Variants in MAP3K15 observed in about 807,000 individuals in gnomAD.
MAP3K15 encodes the protein MAPK/ERK kinase kinase 15.
A neutral mutation model predicts 99.5 loss-of-function variants in MAP3K15; 124 were observed. That is an observed-to-expected ratio of 1.25 (90% CI 1.08 to 1.45). The LOEUF is 1.45. MAP3K15 is among the 40% of genes most tolerant of loss of function. The pLI is 0.00. For missense variants in MAP3K15, 1,242 were observed against 1,079.7 expected (o/e 1.15, Z -2.11); for synonymous variants, 494 against 439.6 (o/e 1.12, Z -1.55).
At position 19,372,807 on chromosome X, in the gene MAP3K15, G is replaced by T; in HGVS notation, c.2954C>A (p.Ala985Asp). The T allele has an allele frequency of 8.3e-7, 1 of 1,209,904 alleles. No homozygotes were observed. Among genetic ancestry groups the T allele is most frequent in the Non-Finnish European group, 1.1e-6 (1 of 894,518 alleles). ...CGAGGCCAAGCCCCGGTCTTCCAAG[G>T]CTGAGCTCTCGTCTGGAACACTGTG... ...HLLSVPDESS[A>D]LEDRGLASSP... is the part of the protein sequence containing the mutation. Residue 985 changes from alanine to aspartate, a missense_variant, in exon 22 of 29, where the codon GCC becomes GAC. Coordinates refer to ENST00000338883, the MANE Select transcript of MAP3K15 (RefSeq NM_001001671.4).
intron 6 of MAP3K15, among the ~76,000 whole-genome samples, chrX:19,455,394 G>C (rs1184465298): frequency 9.6e-6 from 1 of 104,386 alleles, no homozygotes. Flanking sequence ...ACCCAGGCTG[G>C]AGTGCAATGG....
intron 1 of MAP3K15, among the ~76,000 whole-genome samples, chrX:19,491,601 G>A (rs1026824850): frequency 9.0e-6 from 1 of 110,982 alleles, no homozygotes; most frequent in African/African-American, 3.3e-5. Context: ...TCACTTCCTG[G>A]GGCCACAATA....
intron 13 of MAP3K15, among the ~76,000 whole-genome samples, chrX:19,402,830 A>T (rs923576531): frequency 9.0e-6 from 1 of 111,037 alleles, no homozygotes; most frequent in Non-Finnish European, 1.9e-5. Context: ...ACGCCCAGCT[A>T]ATTTTTTTAT....
At chrX:19,415,076 C>A (rs1355230549) in intron 10 of MAP3K15, 31 bp downstream of exon 10, 1 of 1,099,728 alleles carries the variant, frequency 9.1e-7, no homozygotes, top group Non-Finnish European at 1.2e-6. Flanking sequence ...TTTTCCTAAT[C>A]TTAAAAAAAA....
At chrX:19,370,811 C>G (rs1438448915) in intron 24 of MAP3K15, 148 bp downstream of exon 24, 1 of 478,630 alleles carries the variant, frequency 2.1e-6, no homozygotes, top group South Asian at 3.2e-5. Flanking sequence ...GAATCAGCCC[C>G]GGAAGAAGTC....
Position 19,370,943 on chromosome X carries a change from C to A in MAP3K15, c.3400+16G>T. The A allele has an allele frequency of 1.7e-6, 2 of 1,159,359 alleles. No homozygotes were observed. Among genetic ancestry groups the A allele is most frequent in the Non-Finnish European group, 2.3e-6 (2 of 855,280 alleles). ...CACGGCCTAAAGCTGACCTTGACCACAAAGGGGGCGCTCACCTGGGATGAG... is the reference window on the plus strand; with the variant it reads ...CACGGCCTAAAGCTGACCTTGACCAAAAAGGGGGCGCTCACCTGGGATGAG... On this transcript the variant is annotated intron_variant, in intron 24 of 28. Coordinates refer to ENST00000338883, the MANE Select transcript of MAP3K15 (RefSeq NM_001001671.4).
intron 1 of MAP3K15, among the ~76,000 whole-genome samples, chrX:19,490,140 TACACAC>T (rs59202439): frequency 0.02 from 1,863 of 92,427 alleles, 54 homozygotes; most frequent in African/African-American, 0.069. Context: ...ATAGGCATTA[TACACAC>T]ACACACACAC....
intron 25 of MAP3K15, among the ~76,000 whole-genome samples, chrX:19,363,656 G>GTT (rs775799924): frequency 0.045 from 4,250 of 93,841 alleles, 240 homozygotes; most frequent in African/African-American, 0.17. Flanking sequence ...TTTTGTTTTT[G>GTT]TTTTTTTTTT....
intron 6 of MAP3K15, among the ~76,000 whole-genome samples, chrX:19,446,771 G>A (rs1178314266): frequency 1.2e-4 from 13 of 111,252 alleles, no homozygotes; most frequent in Non-Finnish European, 2.1e-4. Context: ...GGCATCGGGT[G>A]AACTTGTAAT....
At chrX:19,458,003 G>A (rs981962874) in intron 5 of MAP3K15, among the ~76,000 whole-genome samples, 3 of 112,030 alleles carry the variant, frequency 2.7e-5, no homozygotes, top group African/African-American at 6.5e-5. Context: ...GAAAAATTGC[G>A]ACCATGCTTG....
chrX:19,483,410 A>G (rs73455672), intron 3 of MAP3K15, among the ~76,000 whole-genome samples: 6,418 of 111,156 alleles, frequency 0.058, 360 homozygotes, highest in African/African-American at 0.17. Flanking sequence ...TAAAAGTACA[A>G]TTTTAGAAAT....
At chrX:19,484,505 G>C (rs183966962) in intron 3 of MAP3K15, among the ~76,000 whole-genome samples, 1 of 111,853 alleles carries the variant, frequency 8.9e-6, no homozygotes, top group African/African-American at 3.2e-5. Context: ...TAGTGCCAAG[G>C]TATACTTGGA....
chrX:19,453,172 T>A (rs917227266), intron 6 of MAP3K15, among the ~76,000 whole-genome samples: 21 of 111,384 alleles, frequency 1.9e-4, no homozygotes, highest in African/African-American at 6.9e-4. Context: ...GTGGTTAAGA[T>A]GGTAAATTTT....
chrX:19,407,203 T>G lies in MAP3K15; in HGVS notation c.1829A>C (p.Glu610Ala). The change falls in exon 13 of 29, where the codon GAA (glutamate) becomes GCA (alanine). Residue 610 changes from glutamate to alanine, a missense_variant. Glu to Ala is a moderately radical substitution (Grantham distance 107). Transcript: ENST00000338883. ...SDDFQIYFST[E>A]EQCSRFFSLV... Reference sequence around the variant, plus strand: ...TGTAACTCACCTACTGCACTGCTCTTCGGTGGAAAAGTAGATTTGAAAGTC... The same window carrying G: ...TGTAACTCACCTACTGCACTGCTCTGCGGTGGAAAAGTAGATTTGAAAGTC... The G allele has an allele frequency of 8.4e-7, 1 of 1,191,896 alleles. No homozygotes were observed. The highest frequency in any genetic ancestry group is 1.8e-5 in the African/African-American group (1 of 56,883).
intron 6 of MAP3K15, among the ~76,000 whole-genome samples, chrX:19,452,351 AAAGAG>A (rs758144000): frequency 0.16 from 360 of 2,308 alleles, 107 homozygotes; most frequent in Middle Eastern, 0.33. Flanking sequence ...AAGAGAAGAG[AAAGAG>A]AAGAGAAGAG....
intron 6 of MAP3K15, among the ~76,000 whole-genome samples, chrX:19,452,056 C>A (rs990492580): frequency 1.5e-4 from 2 of 13,766 alleles, no homozygotes; most frequent in Non-Finnish European, 2.0e-4. Context: ...AGGATTCTGT[C>A]AGAGAAGAGA....
intron 25 of MAP3K15, among the ~76,000 whole-genome samples, chrX:19,367,723 ATTTTTTTTTTTTTTTTTTTTTT>A (rs748998915): frequency 5.0e-4 from 12 of 24,138 alleles, no homozygotes; most frequent in Non-Finnish European, 6.5e-4. Flanking sequence ...ATAACTATGG[ATTTTTTTTTTTTTTTTTTTTTT>A]TTTTTTTTTT....
At chrX:19,465,038 C>T (rs962133132) in intron 3 of MAP3K15, among the ~76,000 whole-genome samples, 2 of 109,999 alleles carry the variant, frequency 1.8e-5, no homozygotes, top group Non-Finnish European at 3.8e-5. Flanking sequence ...ACTAAAGGTG[C>T]GTGCCACCAT....
At chrX:19,503,787 T>C (rs5955804) in intron 1 of MAP3K15, among the ~76,000 whole-genome samples, 24,323 of 108,971 alleles carry the variant, frequency 0.22, 2,585 homozygotes, top group African/African-American at 0.4. Flanking sequence ...CAAATGCACA[T>C]GTGGGCTGAG....
Sources: allele counts gnomAD v4.1 joint callset (sites outside exome capture counted in the v4.1 genomes callset), GRCh38; gene constraint gnomAD v4.1.1; transcripts MANE v1.5; gene names NCBI Gene and HGNC (gene_info 2026-07-23, HGNC 2026-07-21).